PLCD4: variants seen among roughly 807,000 people sequenced by gnomAD.
PLCD4 encodes the protein 1-phosphatidylinositol 4,5-bisphosphate phosphodiesterase delta-4.
Under a neutral mutation model 90.2 loss-of-function variants are expected in PLCD4, and 63 were observed. The observed-to-expected ratio is 0.70, with a 90% CI of 0.57 to 0.86. PLCD4 has a LOEUF of 0.86. Among genes scored for constraint, PLCD4 ranks in the 40% least tolerant of loss-of-function variants. PLCD4 has a pLI of 0.00. For synonymous variants in PLCD4, 294 were observed against 356.5 expected, an observed-to-expected ratio of 0.82 and a Z score of 1.97; for missense variants, 830 against 956.3, an observed-to-expected ratio of 0.87 and a Z score of 1.74.
At chr2:218,611,319 A>G (rs1695322996) in intron 1 of PLCD4, among the ~76,000 whole-genome samples, 1 of 152,170 alleles carries the variant, frequency 6.6e-6, no homozygotes, top group Non-Finnish European at 1.5e-5. Flanking sequence ...TTTCTAAGGC[A>G]GGTTTGAGAG....
At chr2:218,632,508 C>T (rs1696434038) in intron 10 of PLCD4, among the ~76,000 whole-genome samples, 196 bp downstream of exon 10, 1 of 152,144 alleles carries the variant, frequency 6.6e-6, no homozygotes, top group Admixed American at 6.5e-5. Context: ...GTTGCAGTGG[C>T]TTTCCAACTT....
chr2:218,629,281 G>C, intron 7 of PLCD4: 1 of 470,400 alleles, frequency 2.1e-6, no homozygotes, highest in African/African-American at 1.9e-5. Context: ...ATGAGGCAAT[G>C]TGTGATGGAT....
At chr2:218,636,122 G>A (rs1018174078) in intron 14 of PLCD4, 121 bp from the exon 15 acceptor site, 24 of 1,388,908 alleles carry the variant, frequency 1.7e-5, no homozygotes, top group Non-Finnish European at 2.4e-5. Flanking sequence ...CTTACTCTGA[G>A]CCTTTTTCCT....
intron 6 of PLCD4, among the ~76,000 whole-genome samples, chr2:218,623,634 C>G (rs1695981004): frequency 6.6e-6 from 1 of 152,200 alleles, no homozygotes; most frequent in Admixed American, 6.5e-5. Flanking sequence ...TGGCCCTTTA[C>G]TACATATCCC....
At chr2:218,613,969 C>A (rs1238749984) in intron 1 of PLCD4, among the ~76,000 whole-genome samples, 1 of 152,018 alleles carries the variant, frequency 6.6e-6, no homozygotes, top group Non-Finnish European at 1.5e-5. Flanking sequence ...ACTAGGACAA[C>A]TTAACCAGGT....
chr2:218,627,200 G>A (rs1044830835), intron 6 of PLCD4, among the ~76,000 whole-genome samples: 5 of 151,746 alleles, frequency 3.3e-5, no homozygotes, highest in African/African-American at 1.2e-4. Context: ...GGCGGAGCTT[G>A]CAGTGAGCAG....
chr2:218,618,512 C>A, intron 3 of PLCD4, 67 bp from the exon 4 acceptor site: 1 of 1,400,580 alleles, frequency 7.1e-7, no homozygotes, highest in Non-Finnish European at 1.0e-6. Context: ...GCTGGTCCTT[C>A]ACTCTTAGCC....
In PLCD4 at chr2:218,616,898, TTATATATATATA is replaced by T. The variant is rs1174872985; in HGVS notation, c.181+855_181+866del. ...CATTTAATGAATGTTAGCCATTATT[TTATATATATATA>T]TATATATATATATATATAGAGAGAG... On this transcript the variant is annotated intron_variant, in intron 3 of 15. Coordinates refer to ENST00000450993, the MANE Select transcript of PLCD4 (RefSeq NM_032726.4). Among the ~76,000 whole-genome samples the T allele has an allele frequency of 8.0e-4, 5 of 6,254 alleles. 1 individual carries two copies. Among genetic ancestry groups the T allele is most frequent in the East Asian group, 0.01 (2 of 192 alleles). 4.1% of individuals were successfully genotyped at this position (6,254 alleles called of 152,430 possible).
chr2:218,633,614 C>T lies in PLCD4; in HGVS notation c.1459C>T (p.Pro487Ser), dbSNP rs1696522183. 1.2e-6 allele frequency: 2 copies of T among 1,613,498 alleles called. No individual in the cohort carries two copies. The highest frequency in any genetic ancestry group is 3.3e-5 in the Admixed American group (2 of 60,024). Residue 487 changes from proline to serine, a missense_variant, in exon 11 of 16, where the codon CCC (proline) becomes TCC (serine). Physicochemically the swap from Pro to Ser is moderately conservative, Grantham distance 74. Coordinates refer to ENST00000450993, the MANE Select transcript of PLCD4 (RefSeq NM_032726.4). The part of the protein sequence containing the change: ...QNKDKKKKSK[P>S]ILCPALSSLV... ...TTTCCACCTTCTCCAGAAATCCAAG[C>T]CCATCTTGTGTCCAGCCCTCTCTTC...
intron 3 of PLCD4, among the ~76,000 whole-genome samples, chr2:218,617,121 C>G (rs1241309595): frequency 6.9e-6 from 1 of 144,534 alleles, no homozygotes; most frequent in Non-Finnish European, 1.5e-5. Flanking sequence ...CCCGCCACCA[C>G]GCCCGGCTAA....
intron 2 of PLCD4, 36 bp from the exon 3 acceptor site, chr2:218,615,868 C>G (rs200411061): frequency 1.2e-6 from 2 of 1,611,824 alleles, no homozygotes; most frequent in Admixed American, 3.3e-5. Context: ...GCTACCCTCT[C>G]TGCTGGCTAC....
In PLCD4 at chr2:218,634,022, G is replaced by T; in HGVS notation, c.1607-83G>T. 4.0e-6 allele frequency: 6 copies of T among 1,512,516 alleles called. No homozygotes were observed. The highest frequency in any genetic ancestry group is 8.9e-7 in the Non-Finnish European group (1 of 1,119,182). 93.7% of individuals were successfully genotyped at this position (1,512,516 alleles called of 1,614,324 possible). A position where few individuals can be genotyped will look rare whatever the true frequency, so the allele number is the denominator to read the frequency against. On this transcript the variant is annotated intron_variant, in intron 11 of 15. Transcript: ENST00000450993. This position sits in a 1 kb window ranked among gnomAD's most constrained non-coding sequence, Gnocchi z 4.0. The stretch of plus-strand genomic sequence containing the variant: ...CCAGCTTCAGATGCTGGAGAGAAGG[G>T]TGAAGAGTAGGCATGGTCCTTGGGA...
intron 7 of PLCD4, 39 bp from the exon 8 acceptor site, chr2:218,629,480 G>T: frequency 1.2e-6 from 2 of 1,607,164 alleles, no homozygotes; most frequent in South Asian, 2.2e-5. Context: ...ATCAGATATT[G>T]ACCTCTCCTA....
rs763958781 is a variant in PLCD4, at chr2:218,634,497, T to C, written c.1763T>C (p.Ile588Thr). 11 of 1,614,016 alleles carry C rather than the reference T, an allele frequency of 6.8e-6. No homozygotes were observed. Among genetic ancestry groups the C allele is most frequent in the Non-Finnish European group, 7.6e-6 (9 of 1,179,874 alleles). The change falls in exon 13 of 16, where the codon ATC (isoleucine) becomes ACC (threonine). Residue 588 changes from isoleucine to threonine, a missense_variant. Coordinates refer to ENST00000450993, the MANE Select transcript of PLCD4 (RefSeq NM_032726.4). This position sits in a 1 kb window ranked among gnomAD's most constrained non-coding sequence, Gnocchi z 4.0. The part of the protein sequence containing the change: ...NMQTAGLEMD[I>T]CDGHFRQNGG... The stretch of plus-strand genomic sequence containing the variant: ...CAGACTGCAGGGCTTGAAATGGACA[T>C]CTGTGATGGGCATTTCCGCCAGAAT...
intron 9 of PLCD4, 92 bp downstream of exon 9, chr2:218,630,894 C>T (rs1305233166): frequency 7.3e-7 from 1 of 1,362,532 alleles, no homozygotes; most frequent in Non-Finnish European, 9.8e-7. Flanking sequence ...TTGTTCCCTT[C>T]TTTCTATCCT....
Position 218,619,287 on chromosome 2 carries a change from A to T in PLCD4, c.410+480A>T, listed in dbSNP as rs372124353. ...GGTACATATATATATATATATATAT[A>T]TATGTTTTGTTTTGTTTTGTTTTTG... On this transcript the variant is annotated intron_variant, in intron 4 of 15. Coordinates refer to ENST00000450993, the MANE Select transcript of PLCD4 (RefSeq NM_032726.4). Among the ~76,000 whole-genome samples the T allele has an allele frequency of 1.4e-4, 17 of 119,270 alleles. No individual in the cohort carries two copies. In the South Asian group the frequency reaches 2.4e-3, roughly 17 times the overall value. The allele number at this position is 119,270 out of a possible 152,430, so 78.2% of individuals were successfully genotyped here.
chr2:218,608,280 GC>G (rs1464643097), intron 1 of PLCD4, among the ~76,000 whole-genome samples: 2 of 152,036 alleles, frequency 1.3e-5, no homozygotes, highest in African/African-American at 2.4e-5. Flanking sequence ...TGTGTCAGTC[GC>G]CCTTTATATG....
Position 218,628,152 on chromosome 2 carries a change from A to G in PLCD4, c.896A>G (p.Tyr299Cys). The G allele has an allele frequency of 1.2e-6, 2 of 1,614,026 alleles. No individual in the cohort carries two copies. The change falls in exon 7 of 16, where the codon TAC (tyrosine) becomes TGC (cysteine). Residue 299 changes from tyrosine (Y) to cysteine (C), a missense_variant. By Grantham distance (194) the Tyr-to-Cys change is radical. Transcript: ENST00000450993. ...GATATGACTCAACCCCTGAACCACT[A>G]CTTCATCTGCTCTTCTCATAACACC... ...YQDMTQPLNH[Y>C]FICSSHNTYL...
chr2:218,632,312 G>T lies in PLCD4; in HGVS notation c.1449G>T (p.Lys483Asn). 6.2e-7 allele frequency: 1 copy of T among 1,603,356 alleles called. No homozygotes were observed. Among genetic ancestry groups the T allele is most frequent in the Non-Finnish European group, 8.5e-7 (1 of 1,175,254 alleles). Residue 483 changes from lysine to asparagine, a missense_variant and splice_region_variant, in exon 10 of 16, where the codon AAG (lysine) becomes AAT (asparagine). By Grantham distance (94) the Lys-to-Asn change is moderately conservative (BLOSUM62 0). Transcript: ENST00000450993. ...EQNLQNKDKK[K>N]KSKPILCPAL... ...ACCTTCAGAATAAGGACAAAAAGAA[G>T]GTAAGCCAGGAGTGGTCTTTCTGCT...
Sources: allele counts gnomAD v4.1 joint callset (sites outside exome capture counted in the v4.1 genomes callset), GRCh38; gene constraint gnomAD v4.1.1; non-coding constraint Gnocchi (gnomAD v3.1); transcripts MANE v1.5; gene names NCBI Gene and HGNC (gene_info 2026-07-23, HGNC 2026-07-21).